PDE1C: variants seen among roughly 807,000 people sequenced by gnomAD.
PDE1C encodes the protein dual specificity calcium/calmodulin-dependent 3',5'-cyclic nucleotide phosphodiesterase 1C.
PDE1C carries 62 observed loss-of-function variants against 93.1 expected under a neutral mutation model. That is an observed-to-expected ratio of 0.67 (90% CI 0.54 to 0.82). The LOEUF is 0.82. PDE1C is among the 40% of genes least tolerant of loss of function. The pLI, the probability that PDE1C is intolerant of heterozygous loss-of-function variation, is 0.00. For synonymous variants in PDE1C, 325 were observed against 310.1 expected (o/e 1.05, Z -0.50); for missense variants, 742 against 884.6 (o/e 0.84, Z 2.04).
At chr7:31,930,506 C>T (rs187907728) in intron 2 of PDE1C, among the ~76,000 whole-genome samples, 30 of 152,070 alleles carry the variant, frequency 2.0e-4, no homozygotes, top group Admixed American at 1.7e-3. Context: ...TGCAAAAATC[C>T]TCAATAAAAT....
At chr7:31,993,280 C>T (rs1327049837) in intron 2 of PDE1C, among the ~76,000 whole-genome samples, 1 of 152,146 alleles carries the variant, frequency 6.6e-6, no homozygotes, top group Non-Finnish European at 1.5e-5. Context: ...TAGATAATTG[C>T]TGTTTTCTGG....
intron 3 of PDE1C, among the ~76,000 whole-genome samples, chr7:32,093,571 C>T (rs909556508): frequency 6.6e-6 from 1 of 152,222 alleles, no homozygotes; most frequent in African/African-American, 2.4e-5. Context: ...CTGGGTTGCA[C>T]CATTTGCTGG....
chr7:31,766,340 C>T (rs112541188), intron 17 of PDE1C, among the ~76,000 whole-genome samples: 126 of 151,196 alleles, frequency 8.3e-4, no homozygotes, highest in African/African-American at 3.0e-3. Flanking sequence ...GCCGAGATGG[C>T]GCCACTGCAC....
At chr7:32,199,780 C>T (rs1219974964) in intron 2 of PDE1C, among the ~76,000 whole-genome samples, 1 of 151,946 alleles carries the variant, frequency 6.6e-6, no homozygotes, top group Non-Finnish European at 1.5e-5. Flanking sequence ...CATCCCTAAT[C>T]CAAAAAATTG....
Position 31,998,051 on chromosome 7 carries a change from A to G in PDE1C, c.128+53503T>C, listed in dbSNP as rs1425215232. ...ATTTATTTTTTTGAGACGGAGTCTC[A>G]CTCTGTTGCCCAGGCTGGAATGCAG... On this transcript the variant is annotated intron_variant, in intron 2 of 17. Transcript: ENST00000396191. Among the ~76,000 whole-genome samples, 8 of 150,572 alleles carry G rather than the reference A, an allele frequency of 5.3e-5. No individual in the cohort carries two copies. In the East Asian group the frequency reaches 7.8e-4, roughly 15 times the overall value.
chr7:32,259,933 C>A (rs1810080751), intron 1 of PDE1C, among the ~76,000 whole-genome samples: 1 of 152,188 alleles, frequency 6.6e-6, no homozygotes, highest in Non-Finnish European at 1.5e-5. Context: ...CACAAACCTG[C>A]AGCAGGTCCT....
At chr7:32,178,429 C>T (rs1803154205) in intron 2 of PDE1C, among the ~76,000 whole-genome samples, 1 of 152,190 alleles carries the variant, frequency 6.6e-6, no homozygotes, top group South Asian at 2.1e-4. Flanking sequence ...TAAAAACTCC[C>T]CTTCTCTGAT....
At chr7:32,374,363 T>C (rs1259868782) in intron 1 of PDE1C, among the ~76,000 whole-genome samples, 1 of 152,222 alleles carries the variant, frequency 6.6e-6, no homozygotes, top group Non-Finnish European at 1.5e-5. Context: ...GACTTACGAC[T>C]CATTTGATCA....
intron 2 of PDE1C, among the ~76,000 whole-genome samples, chr7:31,960,986 T>G (rs895017511): frequency 6.6e-6 from 1 of 152,154 alleles, no homozygotes; most frequent in Non-Finnish European, 1.5e-5. Context: ...ATCTCCTCTC[T>G]CAATTTGGCC....
the PDE1C span, among the ~76,000 whole-genome samples, chr7:31,670,265 G>A: frequency 6.6e-6 from 1 of 152,198 alleles, no homozygotes; most frequent in Non-Finnish European, 1.5e-5. Flanking sequence ...CCTCCAATGA[G>A]CATGTCCTTT....
chr7:32,048,020 C>A (rs1792834816), intron 2 of PDE1C, among the ~76,000 whole-genome samples: 1 of 152,162 alleles, frequency 6.6e-6, no homozygotes, highest in Non-Finnish European at 1.5e-5. Context: ...TATTCCCAGT[C>A]CAAATAAACC....
chr7:31,927,818 C>G (rs1803601601), intron 2 of PDE1C, among the ~76,000 whole-genome samples: 1 of 152,090 alleles, frequency 6.6e-6, no homozygotes, highest in Non-Finnish European at 1.5e-5. Context: ...TATATAAATC[C>G]ACGAAGATGA....
At chr7:32,239,091 AC>A (rs1808355588) in intron 1 of PDE1C, among the ~76,000 whole-genome samples, 1 of 152,140 alleles carries the variant, frequency 6.6e-6, no homozygotes, top group South Asian at 2.1e-4. Context: ...ATGTAGCAAA[AC>A]CCTATCTTCA....
At chr7:32,402,467 G>T (rs533052877) in intron 1 of PDE1C, among the ~76,000 whole-genome samples, 1 of 151,960 alleles carries the variant, frequency 6.6e-6, no homozygotes, top group Non-Finnish European at 1.5e-5. Flanking sequence ...AAGCAGAGAT[G>T]GATGTCCCAG....
chr7:31,743,565 G>C, the PDE1C span, among the ~76,000 whole-genome samples: 1 of 149,772 alleles, frequency 6.7e-6, no homozygotes, highest in African/African-American at 2.5e-5. Flanking sequence ...CAGTGTGTGT[G>C]TGTGTGTGCG....
chr7:32,313,501 C>G (rs1478063967), intron 1 of PDE1C, among the ~76,000 whole-genome samples: 2 of 151,890 alleles, frequency 1.3e-5, no homozygotes, highest in African/African-American at 2.4e-5. Context: ...TTGGAACCAA[C>G]CCAAATGTCC....
At chr7:31,907,088 T>C (rs1402497919) in intron 2 of PDE1C, among the ~76,000 whole-genome samples, 1 of 151,898 alleles carries the variant, frequency 6.6e-6, no homozygotes, top group Non-Finnish European at 1.5e-5. Flanking sequence ...TGTGTGTGTG[T>C]GTGTGTGTGT....
chr7:32,093,524 T>G (rs1394193274), intron 3 of PDE1C, among the ~76,000 whole-genome samples: 1 of 152,230 alleles, frequency 6.6e-6, no homozygotes, highest in East Asian at 1.9e-4. Context: ...GGGATAAGAT[T>G]CAACTGCTTA....
chr7:32,005,888 A>T (rs565681557), intron 2 of PDE1C, among the ~76,000 whole-genome samples: 2 of 152,272 alleles, frequency 1.3e-5, no homozygotes, highest in Middle Eastern at 3.4e-3. Flanking sequence ...TTTTTTCTGC[A>T]CGTACTGTTA....
Sources: allele counts gnomAD v4.1 joint callset (sites outside exome capture counted in the v4.1 genomes callset), GRCh38; gene constraint gnomAD v4.1.1; transcripts MANE v1.5; gene names NCBI Gene and HGNC (gene_info 2026-07-23, HGNC 2026-07-21).